OSTM1: variants seen among roughly 807,000 people sequenced by gnomAD.
OSTM1 encodes the protein osteopetrosis-associated transmembrane protein 1.
In OSTM1, 26 loss-of-function variants were observed where a neutral mutation model predicts 35.4. That is an observed-to-expected ratio of 0.73 (90% CI 0.54 to 1.02). The LOEUF is 1.02. OSTM1 is among the 50% of genes least tolerant of loss of function. The pLI, the probability that OSTM1 is intolerant of heterozygous loss-of-function variation, is 0.00. For missense variants in OSTM1, 366 were observed against 409.6 expected (o/e 0.89, Z 0.92); for synonymous variants, 181 against 165.0 (o/e 1.10, Z -0.75).
intron 5 of OSTM1, among the ~76,000 whole-genome samples, chr6:108,046,681 C>A (rs879374439): frequency 6.6e-6 from 1 of 152,106 alleles, no homozygotes; most frequent in African/African-American, 2.4e-5. Context: ...TGGAAAATCA[C>A]AACATGACTT....
rs367591807 is a variant in OSTM1 at position 108,049,283 on chromosome 6, A to G, written c.919T>C (p.Ser307Pro). The G allele has an allele frequency of 6.2e-7, 1 of 1,612,860 alleles. No homozygotes were observed. Among genetic ancestry groups the G allele is most frequent in the Non-Finnish European group, 8.5e-7 (1 of 1,179,058 alleles). ...VVFYLSSFLHSEQKKRKLILP... is the reference protein window; with the variant it reads ...VVFYLSSFLHPEQKKRKLILP... ...ATGAGTTTGCGTTTCTTTTGCTCTGAGTGAAGAAAGCTACTAAGGTAGAAG... is the reference window on the plus strand; with the variant it reads ...ATGAGTTTGCGTTTCTTTTGCTCTGGGTGAAGAAAGCTACTAAGGTAGAAG... Residue 307 changes from serine to proline, a missense_variant, in exon 5 of 6, where the codon TCA becomes CCA. By Grantham distance (74) the Ser-to-Pro change is moderately conservative (BLOSUM62 -1). This residue lies in a region of OSTM1 where 125 missense variants were observed against 151.7 expected (regional missense o/e 0.82). Coordinates refer to ENST00000193322, the MANE Select transcript of OSTM1 (RefSeq NM_014028.4).
At chr6:108,074,163 CTG>C in intron 1 of OSTM1, 85 bp downstream of exon 1, 1 of 1,345,948 alleles carries the variant, frequency 7.4e-7, no homozygotes. Flanking sequence ...GTTGGGGAAA[CTG>C]AGGCCCCCAG....
intron 1 of OSTM1, among the ~76,000 whole-genome samples, chr6:108,066,565 G>A (rs1772381963): frequency 6.6e-6 from 1 of 152,156 alleles, no homozygotes; most frequent in Non-Finnish European, 1.5e-5. Context: ...AGAACTGGAG[G>A]TACATCTGTC....
At chr6:108,050,772 G>T (rs763059059) in intron 4 of OSTM1, among the ~76,000 whole-genome samples, 2 of 152,138 alleles carry the variant, frequency 1.3e-5, no homozygotes, top group African/African-American at 4.8e-5. Flanking sequence ...AGATTAAAAT[G>T]TACCAAAGCA....
At chr6:108,071,004 C>A (rs774511388) in intron 1 of OSTM1, among the ~76,000 whole-genome samples, 3 of 148,008 alleles carry the variant, frequency 2.0e-5, no homozygotes, top group Non-Finnish European at 4.5e-5. Context: ...CTGGCTAACA[C>A]GGTGAAACCC....
chr6:108,048,734 G>A (rs1249092491), intron 5 of OSTM1, among the ~76,000 whole-genome samples: 1 of 147,596 alleles, frequency 6.8e-6, no homozygotes, highest in East Asian at 2.0e-4. Context: ...TCATCTGAAA[G>A]ACACTGTGTT....
chr6:108,074,328 G>A lies in OSTM1; in HGVS notation c.324C>T (p.Pro108=). 3.7e-6 allele frequency: 6 copies of A among 1,611,362 alleles called. No individual in the cohort carries two copies. Among genetic ancestry groups the A allele is most frequent in the Non-Finnish European group, 5.1e-6 (6 of 1,179,574 alleles). Residue 108 remains proline, a synonymous_variant, in exon 1 of 6, where the codon CCC becomes CCT. Coordinates refer to ENST00000193322, the MANE Select transcript of OSTM1 (RefSeq NM_014028.4). ...LTGCLVRSAR[P]VRLCQTCYPL... ...GGTAGCAGGTCTGACAGAGGCGCAC[G>A]GGCCGGGCGCTGCGCACCAGACACC...
intron 2 of OSTM1, among the ~76,000 whole-genome samples, chr6:108,062,704 T>C (rs187144418): frequency 3.3e-5 from 5 of 152,154 alleles, no homozygotes; most frequent in African/African-American, 1.2e-4. Context: ...AATTTTTTAT[T>C]TTTTGTTGAG....
At chr6:108,059,388 G>C (rs542684684) in intron 2 of OSTM1, among the ~76,000 whole-genome samples, 1 of 152,212 alleles carries the variant, frequency 6.6e-6, no homozygotes, top group South Asian at 2.1e-4. Context: ...CCAATAACCA[G>C]ATTCCTACCA....
rs906625507 is a variant in OSTM1, at chr6:108,067,491, A to C, written c.403-3192T>G. Among the ~76,000 whole-genome samples the C allele has an allele frequency of 2.9e-4, 43 of 150,464 alleles. 1 individual carries two copies. Among genetic ancestry groups the C allele is most frequent in the Non-Finnish European group, 5.9e-5 (4 of 67,710 alleles). On this transcript the variant is annotated intron_variant, in intron 1 of 5. Transcript: ENST00000193322. ...TCTCTCCCATCTTGGACAAGGAAGA[A>C]GGGAAGGCAGGACAGAGGAATGGAG... is the stretch of plus-strand genomic sequence containing the variant.
chr6:108,065,253 T>C (rs76768954), intron 1 of OSTM1, among the ~76,000 whole-genome samples: 34,467 of 150,288 alleles, frequency 0.23, 3,988 homozygotes, highest in Admixed American at 0.26. Flanking sequence ...TTTTTTTTTT[T>C]TTTTGAGATG....
intron 1 of OSTM1, chr6:108,073,692 C>G (rs1022133995): frequency 1.3e-5 from 2 of 156,962 alleles, no homozygotes; most frequent in African/African-American, 4.8e-5. Context: ...TAGCTCCAGA[C>G]TGTTCACATC....
intron 1 of OSTM1, among the ~76,000 whole-genome samples, chr6:108,067,837 A>T (rs1248989124): frequency 8.6e-5 from 13 of 151,364 alleles, no homozygotes; most frequent in Admixed American, 7.9e-4. Flanking sequence ...CTAAAAAAAA[A>T]AAAAAAAAAA....
At chr6:108,045,300 G>A (rs1771948834) in intron 5 of OSTM1, among the ~76,000 whole-genome samples, 1 of 152,046 alleles carries the variant, frequency 6.6e-6, no homozygotes, top group Non-Finnish European at 1.5e-5. Flanking sequence ...GCTTAACTGT[G>A]AAAGACTGAA....
intron 3 of OSTM1, among the ~76,000 whole-genome samples, chr6:108,053,151 C>A (rs1445478423): frequency 6.6e-6 from 1 of 152,128 alleles, no homozygotes; most frequent in Non-Finnish European, 1.5e-5. Flanking sequence ...CTTAGGCTGC[C>A]AATATAGTAA....
intron 2 of OSTM1, 93 bp from the exon 3 acceptor site, chr6:108,054,680 T>C (rs1196693351): frequency 1.6e-6 from 1 of 625,390 alleles, no homozygotes; most frequent in African/African-American, 1.8e-5. Context: ...CGTTTCACAC[T>C]ACAGTAATTC....
At chr6:108,069,762 G>A (rs1324070203) in intron 1 of OSTM1, among the ~76,000 whole-genome samples, 1 of 152,172 alleles carries the variant, frequency 6.6e-6, no homozygotes, top group African/African-American at 2.4e-5. Flanking sequence ...TTGAGATAAT[G>A]AAACTATATG....
At chr6:108,062,693 T>A (rs960267682) in intron 2 of OSTM1, among the ~76,000 whole-genome samples, 10 of 152,038 alleles carry the variant, frequency 6.6e-5, no homozygotes, top group Admixed American at 6.6e-5. Context: ...CAAGTCCAGT[T>A]AATTTTTTAT....
At chr6:108,065,652 G>A (rs1315078632) in intron 1 of OSTM1, among the ~76,000 whole-genome samples, 1 of 152,026 alleles carries the variant, frequency 6.6e-6, no homozygotes, top group African/African-American at 2.4e-5. Flanking sequence ...CAAAATCAGG[G>A]GTCCTACAGT....
Sources: gnomAD v4.1 joint callset for allele counts (sites outside exome capture counted in the v4.1 genomes callset) on GRCh38, gnomAD v4.1.1 for gene constraint, gnomAD v4.1.1 regional missense constraint, MANE v1.5 for transcripts, NCBI Gene and HGNC (gene_info 2026-07-23, HGNC 2026-07-21) for gene names.